The following FGF13 variants were observed in gnomAD, a reference collection of about 807,000 sequenced individuals.
FGF13 encodes the protein fibroblast growth factor 13.
In FGF13, 2 loss-of-function variants were observed where a neutral mutation model predicts 19.5. The ratio of observed to expected loss-of-function variants is 0.10; its 90% CI spans 0.04 to 0.32. The LOEUF (loss-of-function observed/expected upper bound fraction) is 0.32, where lower values mean the gene tolerates loss of function less well. FGF13 is among the 10% of genes least tolerant of loss of function. The pLI is 1.00. For missense variants in FGF13, 113 were observed against 192.7 expected (o/e 0.59, Z 2.45); for synonymous variants, 72 against 76.9 (o/e 0.94, Z 0.33).
At chrX:138,811,159 A>G (rs1243568085) in intron 3 of FGF13, among the ~76,000 whole-genome samples, 6 of 111,989 alleles carry the variant, frequency 5.4e-5, no homozygotes, top group African/African-American at 1.9e-4. Context: ...TGTTTATTAC[A>G]GCACTATTCA....
intron 1 of FGF13, among the ~76,000 whole-genome samples, chrX:138,733,735 C>A (rs2090250723): frequency 9.0e-6 from 1 of 111,245 alleles, no homozygotes; most frequent in African/African-American, 3.3e-5. Flanking sequence ...TGACACTTAA[C>A]AAACGGTAGT....
intron 1 of FGF13, among the ~76,000 whole-genome samples, chrX:139,111,172 G>C (rs1274319266): frequency 8.9e-6 from 1 of 112,194 alleles, no homozygotes; most frequent in African/African-American, 3.2e-5. Context: ...CCAGCTGGTG[G>C]GAACAGCCAG....
intron 1 of FGF13, among the ~76,000 whole-genome samples, chrX:139,180,463 T>C (rs1001684522): frequency 8.9e-6 from 1 of 112,148 alleles, no homozygotes; most frequent in African/African-American, 3.2e-5. Flanking sequence ...AATTCTATCA[T>C]CCAGAGTCCT....
At chrX:138,992,720 T>C (rs2092022487) in intron 1 of FGF13, among the ~76,000 whole-genome samples, 1 of 112,078 alleles carries the variant, frequency 8.9e-6, no homozygotes, top group Non-Finnish European at 1.9e-5. Context: ...AGAACATTGC[T>C]ATTGGGCAAA....
At chrX:139,133,647 T>G (rs1262555541) in intron 1 of FGF13, among the ~76,000 whole-genome samples, 2 of 111,384 alleles carry the variant, frequency 1.8e-5, no homozygotes, top group Non-Finnish European at 3.8e-5. Flanking sequence ...TCATATTCAC[T>G]GGGGGCTGTG....
At chrX:138,785,334 T>A (rs1055901092) in intron 3 of FGF13, among the ~76,000 whole-genome samples, 1 of 111,731 alleles carries the variant, frequency 9.0e-6, no homozygotes, top group Admixed American at 9.5e-5. Flanking sequence ...ATATCTTAAC[T>A]CACCTCTGCA....
rs1041843247 is a variant in FGF13, at chrX:138,778,853, C to T, written c.218-69925G>A. ...GCCTGCCTGCCTCTGTAGGCTCCAC[C>T]TCTGGGGGCAGGGCACAGACAAACA... On this transcript the variant is annotated intron_variant, in intron 3 of 6. Coordinates refer to the FGF13 transcript ENST00000436198. 1.4e-4 allele frequency among the ~76,000 whole-genome samples: 16 copies of T among 112,757 alleles called. No homozygotes were observed. The Admixed American group carries it at 1.5e-3, about 10-fold the overall frequency.
At chrX:138,734,351 G>GT (rs199878886) in intron 1 of FGF13, among the ~76,000 whole-genome samples, 27 of 109,428 alleles carry the variant, frequency 2.5e-4, no homozygotes, top group East Asian at 1.4e-3. Context: ...ACCCAATCAG[G>GT]TTTTTTTTTC....
intron 3 of FGF13, among the ~76,000 whole-genome samples, chrX:138,805,443 T>C (rs2090859029): frequency 8.9e-6 from 1 of 111,790 alleles, no homozygotes; most frequent in Admixed American, 9.6e-5. Flanking sequence ...ATGCTTTCAT[T>C]AAATTGCCTG....
chrX:138,810,324 A>T lies in FGF13; in HGVS notation c.217+47188T>A, dbSNP rs1203229940. The stretch of plus-strand genomic sequence containing the variant: ...AAGCATCTGATCTTTGACAAACCTG[A>T]GAAAAACAAGCAATGGGGAAAGGAT... On this transcript the variant is annotated intron_variant, in intron 3 of 6. Coordinates refer to the FGF13 transcript ENST00000436198. Among the ~76,000 whole-genome samples the T allele has an allele frequency of 6.3e-5, 7 of 111,687 alleles. No homozygotes were observed. The South Asian group carries it at 2.6e-3, about 42-fold the overall frequency.
At chrX:138,647,219 GAAAAAAAAA>G (rs10543925) in intron 3 of FGF13, among the ~76,000 whole-genome samples, 5 of 59,120 alleles carry the variant, frequency 8.5e-5, no homozygotes, top group African/African-American at 2.3e-4. Flanking sequence ...CATCTCTGGG[GAAAAAAAAA>G]AAAAAAAAAA....
Position 138,632,966 on chromosome X carries a change from A to T in FGF13, c.622T>A (p.Ser208Thr). 1 of 1,209,675 alleles carries T rather than the reference A, an allele frequency of 8.3e-7. No individual in the cohort carries two copies. The highest frequency in any genetic ancestry group is 1.1e-6 in the Non-Finnish European group (1 of 894,372). ...GAGAACTCCGTGAGATCGTGCAGTG[A>T]TGGCTCCTTGTACATGGCCACTGAA... ...PLKVAMYKEP[S>T]LHDLTEFSRS... Residue 208 changes from serine to threonine, a missense_variant, in exon 5 of 5, where the codon TCA (serine) becomes ACA (threonine). This residue lies in a region of FGF13 where 43 missense variants were observed against 41.4 expected (regional missense o/e 1.04). Coordinates refer to ENST00000315930, the MANE Select transcript of FGF13 (RefSeq NM_004114.5).
intron 3 of FGF13, among the ~76,000 whole-genome samples, chrX:138,789,459 C>T (rs1003679576): frequency 9.2e-6 from 1 of 108,898 alleles, no homozygotes; most frequent in African/African-American, 3.4e-5. Context: ...GGATTACAGG[C>T]GTCAGCCACC....
At chrX:139,171,188 T>A (rs990147952) in intron 1 of FGF13, among the ~76,000 whole-genome samples, 2 of 107,894 alleles carry the variant, frequency 1.9e-5, no homozygotes, top group Non-Finnish European at 3.8e-5. Flanking sequence ...GCCCTATTCA[T>A]CTTAGTGTCC....
intron 3 of FGF13, among the ~76,000 whole-genome samples, chrX:138,762,460 A>T (rs1460699032): frequency 8.9e-6 from 1 of 112,545 alleles, no homozygotes; most frequent in Non-Finnish European, 1.9e-5. Context: ...TGTTTAGACA[A>T]AGAAGAAATT....
intron 1 of FGF13, among the ~76,000 whole-genome samples, chrX:139,176,177 G>C (rs1039623964): frequency 1.8e-5 from 2 of 111,636 alleles, no homozygotes; most frequent in African/African-American, 3.3e-5. Context: ...AGATTTTCTA[G>C]TTTATTTGTA....
At chrX:138,794,364 C>T (rs1432644901) in intron 3 of FGF13, among the ~76,000 whole-genome samples, 2 of 111,750 alleles carry the variant, frequency 1.8e-5, no homozygotes, top group Non-Finnish European at 3.8e-5. Flanking sequence ...ATAGGCTATA[C>T]TCTAGAATGT....
intron 1 of FGF13, among the ~76,000 whole-genome samples, chrX:138,898,672 C>T (rs1017265646): frequency 5.4e-5 from 6 of 110,860 alleles, no homozygotes; most frequent in Admixed American, 9.6e-5. Flanking sequence ...ATTAAATGCC[C>T]CAAGTTTGTT....
intron 3 of FGF13, among the ~76,000 whole-genome samples, chrX:138,692,983 T>TC (rs2089854479): frequency 9.0e-6 from 1 of 111,034 alleles, no homozygotes; most frequent in African/African-American, 3.3e-5. Context: ...ACCAATAGTC[T>TC]CCCTGATTTC....
Sources: allele counts gnomAD v4.1 joint callset (sites outside exome capture counted in the v4.1 genomes callset), GRCh38; gene constraint gnomAD v4.1.1; regional missense constraint gnomAD v4.1.1; transcripts MANE v1.5; gene names NCBI Gene and HGNC (gene_info 2026-07-23, HGNC 2026-07-21).